The following DDX17 variants were observed in gnomAD, a reference collection of about 807,000 sequenced individuals.
DDX17 encodes the protein DEAD-box helicase 17, also known as probable ATP-dependent RNA helicase DDX17.
In DDX17, 10 loss-of-function variants were observed where a neutral mutation model predicts 80.8. That is an observed-to-expected ratio of 0.12 (90% confidence interval 0.08 to 0.21). The LOEUF is 0.21. Among genes scored for constraint, DDX17 ranks in the 10% least tolerant of loss-of-function variants. The probability of loss-of-function intolerance (pLI) is 1.00; values close to 1 mark genes in which losing one functional copy is unlikely to be tolerated. For synonymous variants in DDX17, 339 were observed against 336.2 expected (o/e 1.01, Z -0.09); for missense variants, 586 against 957.4 (o/e 0.61, Z 5.12).
chr22:38,505,805 C>G (rs1368271337), intron 1 of DDX17, 146 bp downstream of exon 1: 1 of 1,073,896 alleles, frequency 9.3e-7, no homozygotes, highest in African/African-American at 1.7e-5. Context: ...GAGGTCCGCG[C>G]ACGAAACCGC....
chr22:38,498,686 CA>C, intron 3 of DDX17, 113 bp from the exon 4 acceptor site: 1 of 1,181,214 alleles, frequency 8.5e-7, no homozygotes, highest in Non-Finnish European at 1.2e-6. Context: ...TTCATCTCTC[CA>C]AAGTGCTTTT....
At chr22:38,503,725 T>C (rs527432186) in intron 1 of DDX17, among the ~76,000 whole-genome samples, 32 of 152,348 alleles carry the variant, frequency 2.1e-4, no homozygotes, top group Admixed American at 2.0e-3. Context: ...AAGTCATATA[T>C]TAACATTAAA....
At chr22:38,499,269 G>T in intron 3 of DDX17, 131 bp downstream of exon 3, 1 of 692,328 alleles carries the variant, frequency 1.4e-6, no homozygotes, top group Non-Finnish European at 2.5e-6. Flanking sequence ...GAACAGAACT[G>T]ATGACCATAA....
intron 5 of DDX17, among the ~76,000 whole-genome samples, chr22:38,497,634 A>AAAAAAG (rs753086333): frequency 6.7e-6 from 1 of 149,778 alleles, no homozygotes; most frequent in African/African-American, 2.5e-5. Context: ...AAAAAAAAAA[A>AAAAAAG]AAAGAAAGAA....
chr22:38,501,593 C>A (rs540627034), intron 1 of DDX17, among the ~76,000 whole-genome samples: 13 of 152,340 alleles, frequency 8.5e-5, no homozygotes, highest in Non-Finnish European at 1.8e-4. Flanking sequence ...TATTCTGCCA[C>A]TTACTGTATA....
intron 2 of DDX17, among the ~76,000 whole-genome samples, chr22:38,500,376 CT>C (rs2089815401): frequency 6.6e-6 from 1 of 152,076 alleles, no homozygotes; most frequent in Non-Finnish European, 1.5e-5. Flanking sequence ...GGCATGGTGG[CT>C]CACACCCATA....
At chr22:38,493,567 G>A (rs1364733714) in intron 10 of DDX17, 143 bp downstream of exon 10, 2 of 659,498 alleles carry the variant, frequency 3.0e-6, no homozygotes, top group East Asian at 5.5e-5. Context: ...CTATAACAGA[G>A]ACCACCATTT....
rs2089746293 is a variant in DDX17 at position 38,495,024 on chromosome 22, A to G, written c.903T>C (p.Thr301=). 1 of 1,613,696 alleles carries G rather than the reference A, an allele frequency of 6.2e-7. No homozygotes were observed. Among genetic ancestry groups the G allele is most frequent in the Non-Finnish European group, 8.5e-7 (1 of 1,179,932 alleles). Reference sequence around the variant, plus strand: ...CCAGGAAATCTATCAGACGTCCAGGAGTGGCTATGCAGATCTCAACACCTG... The same window carrying G: ...CCAGGAAATCTATCAGACGTCCAGGGGTGGCTATGCAGATCTCAACACCTG... Residue 301 remains threonine, a synonymous_variant, in exon 7 of 13, where the codon ACT becomes ACC. Coordinates refer to ENST00000403230, the MANE Select transcript of DDX17 (RefSeq NM_006386.5).
At chr22:38,491,887 TG>T (rs1353362766) in intron 11 of DDX17, 168 bp downstream of exon 11, 28 of 352,022 alleles carry the variant, frequency 8.0e-5, no homozygotes, top group South Asian at 5.3e-4. Flanking sequence ...AAAAAAATTG[TG>T]GGGGGGGCAG....
In DDX17 at chr22:38,506,269, G is replaced by C. The variant is rs776649573; in HGVS notation, c.-32C>G. On this transcript the variant is annotated 5_prime_UTR_variant, in exon 1 of 13. Coordinates refer to ENST00000403230, the MANE Select transcript of DDX17 (RefSeq NM_006386.5). ...CTACGCTCAAACCGGGCAGTGCCGC[G>C]GTTTAGGCGTCTCCTTCCTTCCCAG... is the stretch of plus-strand genomic sequence containing the variant. 1 of 1,555,374 alleles carries C rather than the reference G, an allele frequency of 6.4e-7. No individual in the cohort carries two copies. The highest frequency in any genetic ancestry group is 8.7e-7 in the Non-Finnish European group (1 of 1,155,202).
chr22:38,488,689 C>A, intron 11 of DDX17: 4 of 987,998 alleles, frequency 4.0e-6, no homozygotes, highest in Non-Finnish European at 4.8e-6. Flanking sequence ...TTGCTCTTAT[C>A]TTTTTAAGAA....
Position 38,494,764 on chromosome 22 carries a change from T to C in DDX17, c.1080A>G (p.Pro360=). 1 of 1,614,248 alleles carries C rather than the reference T, an allele frequency of 6.2e-7. No homozygotes were observed. ...CCTCTGCAAGCTGTCTTACTTCTTT[T>C]GGCCAGGTTGCACTCCACATCAGTG... Residue 360 remains proline (P), a synonymous_variant, in exon 8 of 13, where the codon CCA becomes CCG. Transcript: ENST00000403230.
intron 1 of DDX17, among the ~76,000 whole-genome samples, chr22:38,501,605 T>C (rs1005801148): frequency 2.0e-5 from 3 of 152,238 alleles, no homozygotes. Flanking sequence ...TACTGTATAA[T>C]TTGAAGAGAA....
chr22:38,505,616 G>A lies in DDX17; in HGVS notation c.287+335C>T, dbSNP rs1309347157. 6 of 272,404 alleles carry A rather than the reference G, an allele frequency of 2.2e-5. No homozygotes were observed. The Admixed American group carries it at 3.3e-4, about 15-fold the overall frequency. 16.9% of individuals were successfully genotyped at this position (272,404 alleles called of 1,614,324 possible). On this transcript the variant is annotated intron_variant, in intron 1 of 12. Transcript: ENST00000403230. Reference sequence around the variant, plus strand: ...GCCCGCCCGAAGCGGCCCGGCTCGAGAGCCGGGAAACCAGGCGAGGCGCCA... The same window carrying A: ...GCCCGCCCGAAGCGGCCCGGCTCGAAAGCCGGGAAACCAGGCGAGGCGCCA...
intron 1 of DDX17, among the ~76,000 whole-genome samples, chr22:38,501,968 A>G (rs1389464187): frequency 1.3e-5 from 2 of 152,268 alleles, no homozygotes; most frequent in African/African-American, 4.8e-5. Context: ...ATACACTCCA[A>G]GCAAGTCCCT....
At chr22:38,505,852 T>G in intron 1 of DDX17, 99 bp downstream of exon 1, 3 of 1,417,350 alleles carry the variant, frequency 2.1e-6, no homozygotes, top group South Asian at 1.4e-5. Context: ...GCCTCCCGGG[T>G]CGAGAGCAAG....
chr22:38,490,223 T>C, intron 11 of DDX17: 2 of 1,217,356 alleles, frequency 1.6e-6, no homozygotes, highest in South Asian at 1.5e-5. Flanking sequence ...TTCTAGAAGA[T>C]GCTGTAGCAG....
At chr22:38,501,789 C>G (rs1172248269) in intron 1 of DDX17, among the ~76,000 whole-genome samples, 1 of 151,920 alleles carries the variant, frequency 6.6e-6, no homozygotes, top group African/African-American at 2.4e-5. Flanking sequence ...TTATTAGGTA[C>G]CAAGTTACTA....
intron 2 of DDX17, 84 bp from the exon 3 acceptor site, chr22:38,499,583 C>A: frequency 9.4e-7 from 1 of 1,065,852 alleles, no homozygotes; most frequent in Non-Finnish European, 1.5e-6. Flanking sequence ...GAGCAATTAT[C>A]CAGTCCACAG....
Sources: allele counts gnomAD v4.1 joint callset (sites outside exome capture counted in the v4.1 genomes callset), GRCh38; gene constraint gnomAD v4.1.1; transcripts MANE v1.5; gene names NCBI Gene and HGNC (gene_info 2026-07-23, HGNC 2026-07-21).